Variants in GRID1 observed in about 807,000 individuals in gnomAD.
GRID1 encodes glutamate ionotropic receptor delta type subunit 1, also known as glutamate receptor ionotropic, delta-1.
Under a neutral mutation model 98.0 loss-of-function variants are expected in GRID1, and 28 were observed. That is an observed-to-expected ratio of 0.29 (90% CI 0.21 to 0.39). GRID1 has a LOEUF of 0.39. GRID1 is among the 10% of genes least tolerant of loss of function. The pLI, the probability that GRID1 is intolerant of heterozygous loss-of-function variation, is 1.00. For synonymous variants in GRID1, 553 were observed against 538.5 expected (o/e 1.03, Z -0.37); for missense variants, 1,111 against 1,340.5 (o/e 0.83, Z 2.67).
At chr10:85,940,483 G>A (rs1045665121) in intron 4 of GRID1, among the ~76,000 whole-genome samples, 20 of 152,156 alleles carry the variant, frequency 1.3e-4, no homozygotes, top group Admixed American at 1.1e-3. Flanking sequence ...AGATTCCAGG[G>A]TGCACACACT....
chr10:85,860,633 A>C (rs917365355), intron 6 of GRID1, among the ~76,000 whole-genome samples: 1 of 152,202 alleles, frequency 6.6e-6, no homozygotes, highest in African/African-American at 2.4e-5. Context: ...CTCTCACACT[A>C]GGGTTGCAGC....
chr10:86,269,787 C>T (rs1847158192), intron 2 of GRID1, among the ~76,000 whole-genome samples: 1 of 152,208 alleles, frequency 6.6e-6, no homozygotes, highest in Non-Finnish European at 1.5e-5. Context: ...TTTGCTGTCC[C>T]TCTAAGCCCT....
intron 8 of GRID1, among the ~76,000 whole-genome samples, chr10:85,819,138 T>C (rs1842740006): frequency 6.6e-6 from 1 of 152,024 alleles, no homozygotes; most frequent in South Asian, 2.1e-4. Context: ...CAAATCCTCA[T>C]TACGTAAGAA....
At chr10:86,074,117 G>T (rs926500525) in intron 4 of GRID1, among the ~76,000 whole-genome samples, 1 of 145,392 alleles carries the variant, frequency 6.9e-6, no homozygotes, top group Non-Finnish European at 1.5e-5. Flanking sequence ...ATTTTCTTAC[G>T]TGCGCAAATG....
At chr10:85,636,887 G>C (rs1843050826) in intron 13 of GRID1, among the ~76,000 whole-genome samples, 1 of 152,052 alleles carries the variant, frequency 6.6e-6, no homozygotes. Flanking sequence ...CTACTTTTGA[G>C]AATTAGACCT....
rs553064504 is a variant in GRID1, at chr10:86,013,660, A to T, written c.727-97421T>A. On this transcript the variant is annotated intron_variant, in intron 4 of 15. Coordinates refer to ENST00000327946, the MANE Select transcript of GRID1 (RefSeq NM_017551.3). ...CTTCACTATCCTTCCTGAGGTCCAT[A>T]GCAACTTTCTGTCTCTGAGCTACAC... Among the ~76,000 whole-genome samples, 14 of 152,350 alleles carry T rather than the reference A, an allele frequency of 9.2e-5. No individual in the cohort carries two copies. The South Asian group carries it at 2.9e-3, about 32-fold the overall frequency.
intron 8 of GRID1, among the ~76,000 whole-genome samples, chr10:85,827,414 T>C (rs2131757955): frequency 6.6e-6 from 1 of 151,764 alleles, no homozygotes; most frequent in East Asian, 1.9e-4. Flanking sequence ...CTTAATTAAA[T>C]CAGTCAGACA....
At chr10:86,262,444 C>A (rs924786299) in intron 2 of GRID1, among the ~76,000 whole-genome samples, 1 of 152,214 alleles carries the variant, frequency 6.6e-6, no homozygotes, top group African/African-American at 2.4e-5. Flanking sequence ...CTGGTCCATG[C>A]CACAGGGTCT....
chr10:85,808,796 G>C (rs572273478), intron 8 of GRID1, among the ~76,000 whole-genome samples: 1 of 152,010 alleles, frequency 6.6e-6, no homozygotes, highest in Non-Finnish European at 1.5e-5. Context: ...ATGGTACAAC[G>C]TATCTCCCAC....
intron 3 of GRID1, among the ~76,000 whole-genome samples, chr10:86,144,592 T>C (rs532885669): frequency 6.6e-6 from 1 of 152,172 alleles, no homozygotes; most frequent in Admixed American, 6.5e-5. Context: ...CTCCTGCCAG[T>C]CATCAACAAA....
intron 2 of GRID1, among the ~76,000 whole-genome samples, chr10:86,362,152 C>G (rs1009810251): frequency 2.0e-5 from 3 of 152,194 alleles, no homozygotes; most frequent in Non-Finnish European, 4.4e-5. Flanking sequence ...CTTCAGCTCC[C>G]AAGCACAAAG....
At chr10:85,894,017 A>C (rs1469291617) in intron 5 of GRID1, among the ~76,000 whole-genome samples, 1 of 152,214 alleles carries the variant, frequency 6.6e-6, no homozygotes, top group Non-Finnish European at 1.5e-5. Context: ...ACGTTTCAAA[A>C]ACAGGACAAG....
chr10:86,218,463 C>T (rs979183536), intron 2 of GRID1, among the ~76,000 whole-genome samples: 1 of 152,144 alleles, frequency 6.6e-6, no homozygotes, highest in Non-Finnish European at 1.5e-5. Flanking sequence ...GAGTGGCCCA[C>T]CCTGCCAGCC....
chr10:85,906,677 T>C (rs1158941331), intron 5 of GRID1, among the ~76,000 whole-genome samples: 1 of 152,052 alleles, frequency 6.6e-6, no homozygotes, highest in Non-Finnish European at 1.5e-5. Context: ...CCAAAAGTAA[T>C]ATAGAAGTAT....
At chr10:85,791,054 G>A (rs896824586) in intron 8 of GRID1, among the ~76,000 whole-genome samples, 3 of 152,154 alleles carry the variant, frequency 2.0e-5, no homozygotes, top group Non-Finnish European at 4.4e-5. Flanking sequence ...CCCTAGCGAT[G>A]GCCACCCATG....
At chr10:85,776,956 T>A (rs1288840974) in intron 8 of GRID1, among the ~76,000 whole-genome samples, 1 of 152,230 alleles carries the variant, frequency 6.6e-6, no homozygotes, top group Non-Finnish European at 1.5e-5. Context: ...ATGCATTTGC[T>A]ACCTATAGCT....
chr10:85,713,874 G>A (rs899958805), intron 12 of GRID1, among the ~76,000 whole-genome samples: 1 of 151,866 alleles, frequency 6.6e-6, no homozygotes, highest in African/African-American at 2.4e-5. Flanking sequence ...GGCTATATAT[G>A]AAGCCTATGG....
chr10:86,114,782 G>C (rs1268927587), intron 4 of GRID1, among the ~76,000 whole-genome samples: 2 of 152,214 alleles, frequency 1.3e-5, no homozygotes, highest in Non-Finnish European at 2.9e-5. Context: ...GGTAGAACCA[G>C]AGCATTGGCA....
chr10:85,856,106 T>TATGCCAC lies in GRID1; in HGVS notation c.1035_1036insGTGGCAT (p.Met346ValfsTer14). ...TTCCGTATGCAGTTGAGGCTCGCCA[T>TATGCCAC]GCTATGCCACTTCCGGTCCTCCAGC... On this transcript the variant is annotated frameshift_variant, in exon 7 of 16. Transcript: ENST00000327946. LOFTEE classifies it high-confidence loss of function. 1.9e-6 allele frequency: 3 copies of TATGCCAC among 1,614,130 alleles called. No individual in the cohort carries two copies. The highest frequency in any genetic ancestry group is 2.5e-6 in the Non-Finnish European group (3 of 1,179,966).
Sources: allele counts gnomAD v4.1 joint callset (sites outside exome capture counted in the v4.1 genomes callset), GRCh38; gene constraint gnomAD v4.1.1; transcripts MANE v1.5; gene names NCBI Gene and HGNC (gene_info 2026-07-23, HGNC 2026-07-21).